FAM131B: variants seen among roughly 807,000 people sequenced by gnomAD.
The protein encoded by FAM131B is protein FAM131B.
FAM131B carries 19 observed loss-of-function variants against 42.0 expected under a neutral mutation model. That is an observed-to-expected ratio of 0.45 (90% CI 0.32 to 0.66). The LOEUF is 0.66. FAM131B is among the 30% of genes least tolerant of loss of function. The pLI, the probability that FAM131B is intolerant of heterozygous loss-of-function variation, is 0.05. For synonymous variants in FAM131B, 183 were observed against 177.6 expected, an observed-to-expected ratio of 1.03 and a Z score of -0.24; for missense variants, 370 against 468.4, an observed-to-expected ratio of 0.79 and a Z score of 1.94.
At chr7:143,374,549 G>A in the FAM131B span, among the ~76,000 whole-genome samples, 3 of 152,068 alleles carry the variant, frequency 2.0e-5, no homozygotes, top group East Asian at 1.9e-4. Flanking sequence ...GTCTCTTCAC[G>A]CCCCTCTTTT....
At position 143,358,820 on chromosome 7, in the gene FAM131B, C is replaced by T. The variant is rs748544613; in HGVS notation, c.466+7G>A. On this transcript the variant is annotated splice_region_variant and intron_variant, in intron 5 of 6. Transcript: ENST00000443739. The surrounding 1 kb of genome is among the most constrained non-coding windows in gnomAD (Gnocchi z 4.7). ...ATGTGTCTCTTGAGGCTTTAGGGTA[C>T]CTGTACCTGCTAGAAAACGTGCCTC... 5.6e-6 allele frequency: 9 copies of T among 1,613,276 alleles called. No individual in the cohort carries two copies. Among genetic ancestry groups the T allele is most frequent in the Non-Finnish European group, 7.6e-6 (9 of 1,179,576 alleles).
At position 143,362,313 on chromosome 7, in the gene FAM131B, G is replaced by C. The variant is rs1480826892; in HGVS notation, c.28+263C>G. Among the ~76,000 whole-genome samples, 1 of 152,172 alleles carries C rather than the reference G, an allele frequency of 6.6e-6. No homozygotes were observed. Among genetic ancestry groups the C allele is most frequent in the Non-Finnish European group, 1.5e-5 (1 of 68,022 alleles). On this transcript the variant is annotated intron_variant, in intron 1 of 6. Transcript: ENST00000443739. This position sits in a 1 kb window ranked among gnomAD's most constrained non-coding sequence, Gnocchi z 7.7. The stretch of plus-strand genomic sequence containing the variant: ...GCAGAGGAGAGGAGGGCGATGGAGA[G>C]GATGGAGAGGACCGCGCCTGCGGGA...
In FAM131B at chr7:143,356,753, C is replaced by T; in HGVS notation, c.880G>A (p.Val294Met). ...TCAGCAGGGCCCCTTGCCAGGTCCA[C>T]TGCGCCTACCCCCGGAGCCCAGTCA... Reference protein sequence around the residue: ...DTDWAPGVGAVDLARGPAEEE... With the variant: ...DTDWAPGVGAMDLARGPAEEE... Residue 294 changes from valine (V) to methionine (M), a missense_variant, in exon 7 of 7, where the codon GTG (valine) becomes ATG (methionine). Coordinates refer to ENST00000443739, the MANE Select transcript of FAM131B (RefSeq NM_001031690.3). The surrounding 1 kb of genome is among the most constrained non-coding windows in gnomAD (Gnocchi z 4.4). The T allele has an allele frequency of 6.2e-7, 1 of 1,614,164 alleles. No individual in the cohort carries two copies. Among genetic ancestry groups the T allele is most frequent in the Non-Finnish European group, 8.5e-7 (1 of 1,180,040 alleles).
Position 143,358,237 on chromosome 7 carries a change from C to T in FAM131B, c.466+590G>A, listed in dbSNP as rs1400149876. 6.6e-6 allele frequency among the ~76,000 whole-genome samples: 1 copy of T among 152,208 alleles called. No individual in the cohort carries two copies. Among genetic ancestry groups the T allele is most frequent in the Non-Finnish European group, 1.5e-5 (1 of 68,044 alleles). On this transcript the variant is annotated intron_variant, in intron 5 of 6. Transcript: ENST00000443739. The surrounding 1 kb of genome is among the most constrained non-coding windows in gnomAD (Gnocchi z 4.7). ...TCCCACCCATACCACCAACTCAATA[C>T]TTCCTTTCTCTTCCAGACCTATCCC...
chr7:143,371,985 T>G, the FAM131B span, among the ~76,000 whole-genome samples: 1 of 152,112 alleles, frequency 6.6e-6, no homozygotes, highest in Non-Finnish European at 1.5e-5. Flanking sequence ...ATTTGTTTAA[T>G]TTTCTCCTTG....
intron 1 of FAM131B, chr7:143,360,481 C>T: frequency 9.6e-7 from 1 of 1,038,260 alleles, no homozygotes; most frequent in African/African-American, 1.7e-5. Context: ...TGGGCTTTTT[C>T]TCTATTACAA....
Position 143,354,677 on chromosome 7 carries a change from A to G in FAM131B, c.*1873T>C, listed in dbSNP as rs1435753832. 6.6e-6 allele frequency: 1 copy of G among 152,238 alleles called. No individual in the cohort carries two copies. Among genetic ancestry groups the G allele is most frequent in the Admixed American group, 6.5e-5 (1 of 15,286 alleles). 9.4% of individuals were successfully genotyped at this position (152,238 alleles called of 1,614,324 possible). A position where few individuals can be genotyped will look rare whatever the true frequency, so the allele number is the denominator to read the frequency against. On this transcript the variant is annotated 3_prime_UTR_variant, in exon 7 of 7. Coordinates refer to ENST00000443739, the MANE Select transcript of FAM131B (RefSeq NM_001031690.3). The stretch of plus-strand genomic sequence containing the variant: ...AAGCACAAGAGGACTCTTCCCCTGT[A>G]CAGGCAGCATTCGGTTAGGTGACTG...
At chr7:143,368,110 C>A in the FAM131B span, among the ~76,000 whole-genome samples, 4 of 152,212 alleles carry the variant, frequency 2.6e-5, no homozygotes, top group Admixed American at 1.3e-4. Context: ...TGGTCAGGTC[C>A]CAAGCACACA....
At chr7:143,381,489 G>A in the FAM131B span, 12 of 1,456,646 alleles carry the variant, frequency 8.2e-6, no homozygotes, top group Non-Finnish European at 1.0e-5. Context: ...GGGTCACCAA[G>A]GGGAGCTGGG....
chr7:143,380,013 C>T, the FAM131B span: 4 of 962,846 alleles, frequency 4.2e-6, no homozygotes, highest in Non-Finnish European at 3.7e-6. The surrounding 1 kb of genome is among the most constrained non-coding windows in gnomAD (Gnocchi z 5.0). Flanking sequence ...ATCTCTAAAA[C>T]ATGGCCCAGG....
chr7:143,366,947 T>C (rs532995434), upstream of FAM131B, among the ~76,000 whole-genome samples: 4 of 152,302 alleles, frequency 2.6e-5, no homozygotes, highest in Admixed American at 2.6e-4. Context: ...ATTAGGTTGC[T>C]GACAAGGGAC....
rs982053617 is a variant in FAM131B, at chr7:143,358,726, A to G, written c.466+101T>C. 2 of 862,020 alleles carry G rather than the reference A, an allele frequency of 2.3e-6. No homozygotes were observed. Among genetic ancestry groups the G allele is most frequent in the South Asian group, 3.0e-5 (2 of 66,134 alleles). 53.4% of individuals were successfully genotyped at this position (862,020 alleles called of 1,614,324 possible). On this transcript the variant is annotated intron_variant, in intron 5 of 6. Coordinates refer to ENST00000443739, the MANE Select transcript of FAM131B (RefSeq NM_001031690.3). The surrounding 1 kb of genome is among the most constrained non-coding windows in gnomAD (Gnocchi z 4.7). ...GTTTGGGAAATGTGAATCTACGGTC[A>G]AAGTATGGATGGAGCTAATCCTGCC...
upstream of FAM131B, among the ~76,000 whole-genome samples, chr7:143,363,178 G>A (rs147389419): frequency 0.027 from 4,046 of 152,326 alleles, 103 homozygotes; most frequent in Middle Eastern, 0.071. Flanking sequence ...GCCGCATCTG[G>A]GACACACACA....
At chr7:143,376,386 A>G in the FAM131B span, among the ~76,000 whole-genome samples, 1 of 152,206 alleles carries the variant, frequency 6.6e-6, no homozygotes, top group Non-Finnish European at 1.5e-5. Context: ...AGTGCCTAGA[A>G]TATAGAAATT....
the FAM131B span, chr7:143,379,945 T>C: frequency 1.9e-6 from 1 of 529,746 alleles, no homozygotes; most frequent in Non-Finnish European, 2.4e-6. Context: ...CCCGGGTCCA[T>C]CTCTTCAGCT....
intron 5 of FAM131B, among the ~76,000 whole-genome samples, chr7:143,357,858 G>A (rs1357742105): frequency 1.3e-5 from 2 of 152,186 alleles, no homozygotes; most frequent in African/African-American, 4.8e-5. Flanking sequence ...AGGGAGAATT[G>A]TAGGGGACTT....
chr7:143,356,928 G>A lies in FAM131B; in HGVS notation c.705C>T (p.Ser235=), dbSNP rs758552418. ...CLGSSDAWEA[S]DQSLIASPAT... is the part of the protein sequence containing the mutation. ...CCGGAGAGGCAATGAGGGACTGATCGCTGGCTTCCCAGGCATCTGACGACC... is the reference window on the plus strand; with the variant it reads ...CCGGAGAGGCAATGAGGGACTGATCACTGGCTTCCCAGGCATCTGACGACC... The change falls in exon 7 of 7, where the codon AGC becomes AGT. Residue 235 remains serine (S), a synonymous_variant. Coordinates refer to ENST00000443739, the MANE Select transcript of FAM131B (RefSeq NM_001031690.3). The surrounding 1 kb of genome is among the most constrained non-coding windows in gnomAD (Gnocchi z 4.4). 20 of 1,613,930 alleles carry A rather than the reference G, an allele frequency of 1.2e-5. No homozygotes were observed. The highest frequency in any genetic ancestry group is 3.3e-5 in the South Asian group (3 of 91,090).
In FAM131B at chr7:143,362,116, G is replaced by C; in HGVS notation, c.28+460C>G. The C allele has an allele frequency of 1.1e-6, 1 of 884,374 alleles. No homozygotes were observed. Among genetic ancestry groups the C allele is most frequent in the African/African-American group, 1.8e-5 (1 of 55,318 alleles). 54.8% of individuals were successfully genotyped at this position (884,374 alleles called of 1,614,324 possible). On this transcript the variant is annotated intron_variant, in intron 1 of 6. Transcript: ENST00000443739. This position sits in a 1 kb window ranked among gnomAD's most constrained non-coding sequence, Gnocchi z 7.7. ...ACCCGAGCCAGATGGAGGCGGCGGC[G>C]GGGGGTGGCGTGGGGGGCGTGCGAA...
the FAM131B span, chr7:143,381,983 A>T: frequency 1.6e-6 from 1 of 630,262 alleles, no homozygotes; most frequent in Non-Finnish European, 2.7e-6. Flanking sequence ...CCCGCCTGGG[A>T]GTGGGAGTCG....
Sources: allele counts gnomAD v4.1 joint callset (sites outside exome capture counted in the v4.1 genomes callset), GRCh38; gene constraint gnomAD v4.1.1; non-coding constraint Gnocchi (gnomAD v3.1); transcripts MANE v1.5; gene names NCBI Gene and HGNC (gene_info 2026-07-23, HGNC 2026-07-21).